The following UIMC1 variants were observed in gnomAD, a reference collection of about 807,000 sequenced individuals.
UIMC1 encodes the protein BRCA1-A complex subunit RAP80.
Under a neutral mutation model 84.9 loss-of-function variants are expected in UIMC1, and 42 were observed. The ratio of observed to expected loss-of-function variants is 0.49; its 90% confidence interval spans 0.39 to 0.64. The LOEUF (loss-of-function observed/expected upper bound fraction) is 0.64, where lower values mean the gene tolerates loss of function less well. Among genes scored for constraint, UIMC1 ranks in the 30% least tolerant of loss-of-function variants. The pLI, the probability that UIMC1 is intolerant of heterozygous loss-of-function variation, is 0.00. For synonymous variants in UIMC1, 281 were observed against 293.0 expected (o/e 0.96, Z 0.42); for missense variants, 825 against 847.6 (o/e 0.97, Z 0.33).
chr5:176,962,030 G>A (rs1179159588), intron 6 of UIMC1, among the ~76,000 whole-genome samples: 12 of 44,400 alleles, frequency 2.7e-4, no homozygotes, highest in Non-Finnish European at 3.5e-4. Context: ...CGCCCCGTCC[G>A]GGAGGTGAGG....
At chr5:176,941,552 T>G (rs1223936211) in intron 10 of UIMC1, among the ~76,000 whole-genome samples, 4 of 152,234 alleles carry the variant, frequency 2.6e-5, no homozygotes, top group Non-Finnish European at 5.9e-5. Context: ...AAATAACATG[T>G]GCTTGCCTCT....
At chr5:176,945,668 G>A (rs1328026524) in intron 9 of UIMC1, among the ~76,000 whole-genome samples, 1 of 152,156 alleles carries the variant, frequency 6.6e-6, no homozygotes, top group Non-Finnish European at 1.5e-5. Flanking sequence ...ATGGGTGGGC[G>A]CCTGTCCATA....
intron 10 of UIMC1, among the ~76,000 whole-genome samples, chr5:176,937,843 T>C (rs577842976): frequency 3.3e-5 from 5 of 152,238 alleles, no homozygotes; most frequent in Admixed American, 2.0e-4. Flanking sequence ...CCTCTCTTAT[T>C]CCACCCCTTA....
rs1214369643 is a variant in UIMC1, at chr5:176,905,492, C to G, written c.1950G>C (p.Arg650Ser). 6.2e-7 allele frequency: 1 copy of G among 1,612,794 alleles called. No homozygotes were observed. Among genetic ancestry groups the G allele is most frequent in the Admixed American group, 1.7e-5 (1 of 59,842 alleles). The change falls in exon 15 of 15, where the codon AGG becomes AGC. Residue 650 changes from arginine (R) to serine (S), a missense_variant and splice_region_variant. Transcript: ENST00000511320. ...DIKSSETGAF[R>S]VPSPGMEEAG... ...CCTCTTCCATCCCTGGTGAAGGCACCCTAGAGAGAAGGAAAAAAATTCAGA... is the reference window on the plus strand; with the variant it reads ...CCTCTTCCATCCCTGGTGAAGGCACGCTAGAGAGAAGGAAAAAAATTCAGA...
intron 1 of UIMC1, among the ~76,000 whole-genome samples, chr5:177,020,605 G>C (rs1018079453): frequency 5.9e-5 from 9 of 152,046 alleles, no homozygotes; most frequent in Admixed American, 3.3e-4. Context: ...TAATTTTTTT[G>C]TATTTTTAGT....
chr5:176,981,144 GTT>G (rs769202785), intron 2 of UIMC1, among the ~76,000 whole-genome samples: 2 of 132,260 alleles, frequency 1.5e-5, no homozygotes, highest in Admixed American at 7.8e-5. Flanking sequence ...TGTTTTGTTG[GTT>G]TTTTTTTTTT....
At chr5:176,947,183 T>C (rs775084194) in intron 9 of UIMC1, among the ~76,000 whole-genome samples, 2 of 152,212 alleles carry the variant, frequency 1.3e-5, no homozygotes, top group African/African-American at 2.4e-5. Flanking sequence ...TGAAGGTTTC[T>C]GAACATTTTT....
intron 3 of UIMC1, among the ~76,000 whole-genome samples, chr5:176,973,160 C>A (rs913055536): frequency 9.2e-5 from 14 of 152,038 alleles, no homozygotes; most frequent in Non-Finnish European, 1.5e-5. Flanking sequence ...AGGTGATCCA[C>A]CCGCCTCGGC....
At chr5:176,939,091 A>G (rs891168415) in intron 10 of UIMC1, among the ~76,000 whole-genome samples, 4 of 151,784 alleles carry the variant, frequency 2.6e-5, no homozygotes, top group African/African-American at 4.8e-5. Context: ...TTTCTCTACA[A>G]AAGAAAATAT....
intron 6 of UIMC1, among the ~76,000 whole-genome samples, chr5:176,965,001 C>A (rs1319539911): frequency 6.6e-6 from 1 of 152,104 alleles, no homozygotes; most frequent in African/African-American, 2.4e-5. Flanking sequence ...TCAACCTACA[C>A]CTGAAAAACA....
chr5:176,988,872 T>C (rs1271717065), intron 1 of UIMC1, among the ~76,000 whole-genome samples: 1 of 152,076 alleles, frequency 6.6e-6, no homozygotes, highest in African/African-American at 2.4e-5. Flanking sequence ...TTAGTAGAGA[T>C]GGGGTTTCAC....
chr5:176,924,086 G>A (rs1468722020), intron 10 of UIMC1, among the ~76,000 whole-genome samples: 4 of 151,902 alleles, frequency 2.6e-5, no homozygotes, highest in Non-Finnish European at 1.5e-5. Context: ...GGGGGGCCGA[G>A]GCAGGTGGAT....
At chr5:176,993,806 G>C (rs1205577543) in intron 1 of UIMC1, among the ~76,000 whole-genome samples, 1 of 152,040 alleles carries the variant, frequency 6.6e-6, no homozygotes, top group Non-Finnish European at 1.5e-5. Flanking sequence ...TCAGGAGTTT[G>C]AGACCAGCCT....
At position 176,969,696 on chromosome 5, in the gene UIMC1, G is replaced by A; in HGVS notation, c.368C>T (p.Pro123Leu). 6.2e-7 allele frequency: 1 copy of A among 1,614,052 alleles called. No homozygotes were observed. Among genetic ancestry groups the A allele is most frequent in the South Asian group, 1.1e-5 (1 of 91,076 alleles). ...AIAESLNSCR[P>L]SDASATRSRP... The stretch of plus-strand genomic sequence containing the variant: ...AGATCTGGTAGCGGAAGCATCAGAA[G>A]GCCGGCAACTCTGAAACAAGTGATC... Residue 123 changes from proline to leucine, a missense_variant, in exon 5 of 15, where the codon CCT (proline) becomes CTT (leucine). By Grantham distance (98) the Pro-to-Leu change is moderately conservative. Coordinates refer to ENST00000511320, the MANE Select transcript of UIMC1 (RefSeq NM_001199298.2).
At chr5:176,987,685 A>C (rs1283893216) in intron 1 of UIMC1, among the ~76,000 whole-genome samples, 8 of 151,864 alleles carry the variant, frequency 5.3e-5, no homozygotes. Flanking sequence ...TTAGCCAGGC[A>C]TGGCAGCTAA....
chr5:176,981,035 A>G (rs550961252), intron 2 of UIMC1, among the ~76,000 whole-genome samples: 14 of 152,186 alleles, frequency 9.2e-5, no homozygotes, highest in Admixed American at 3.3e-4. Context: ...GTCACCAGGG[A>G]TGTACCTACC....
chr5:176,976,115 G>A (rs1770016109), intron 2 of UIMC1, among the ~76,000 whole-genome samples: 2 of 152,036 alleles, frequency 1.3e-5, no homozygotes, highest in African/African-American at 4.8e-5. Flanking sequence ...GGGCAATGTA[G>A]AGAGATCCTG....
upstream of UIMC1, among the ~76,000 whole-genome samples, chr5:177,011,002 G>A (rs1236769388): frequency 6.6e-6 from 1 of 151,966 alleles, no homozygotes; most frequent in African/African-American, 2.4e-5. Context: ...AGACCAGCCT[G>A]GGCAATATGG....
chr5:176,970,581 C>T, intron 4 of UIMC1, 161 bp downstream of exon 4: 2 of 1,128,600 alleles, frequency 1.8e-6, no homozygotes, highest in Non-Finnish European at 2.6e-6. Flanking sequence ...ATTGGGTTAA[C>T]CAACAATTCA....
Sources: allele counts gnomAD v4.1 joint callset (sites outside exome capture counted in the v4.1 genomes callset), GRCh38; gene constraint gnomAD v4.1.1; transcripts MANE v1.5; gene names NCBI Gene and HGNC (gene_info 2026-07-23, HGNC 2026-07-21).